EXOC6: variants seen among roughly 807,000 people sequenced by gnomAD.
EXOC6 encodes SEC15-like 1.
A neutral mutation model predicts 112.5 loss-of-function variants in EXOC6; 60 were observed. The ratio of observed to expected loss-of-function variants is 0.53; its 90% CI spans 0.43 to 0.66. EXOC6 has a LOEUF of 0.66. Among genes scored for constraint, EXOC6 ranks in the 30% least tolerant of loss-of-function variants. The probability of loss-of-function intolerance (pLI) is 0.00; values close to 1 mark genes in which losing one functional copy is unlikely to be tolerated. For synonymous variants in EXOC6, 295 were observed against 308.0 expected (o/e 0.96, Z 0.44); for missense variants, 855 against 957.1 (o/e 0.89, Z 1.41).
intron 6 of EXOC6, among the ~76,000 whole-genome samples, chr10:92,911,503 A>T (rs1309654210): frequency 6.6e-6 from 1 of 152,190 alleles, no homozygotes; most frequent in African/African-American, 2.4e-5. Context: ...GTCGATATTA[A>T]ACTTATCTTC....
At chr10:93,052,485 G>A (rs1037055040) in intron 20 of EXOC6, among the ~76,000 whole-genome samples, 10 of 152,168 alleles carry the variant, frequency 6.6e-5, no homozygotes, top group Non-Finnish European at 1.3e-4. Flanking sequence ...GAATGCTGAG[G>A]AAGTGAAATG....
intron 1 of EXOC6, among the ~76,000 whole-genome samples, chr10:92,838,139 T>C (rs1416067941): frequency 6.6e-6 from 1 of 152,212 alleles, no homozygotes; most frequent in Admixed American, 6.5e-5. Context: ...CAAGGGTAAC[T>C]GAACGGCACT....
chr10:92,868,838 A>C, intron 1 of EXOC6, among the ~76,000 whole-genome samples: 1 of 122,826 alleles, frequency 8.1e-6, no homozygotes. Flanking sequence ...TTTTTGAGAC[A>C]GGTTCTTGCT....
intron 18 of EXOC6, among the ~76,000 whole-genome samples, chr10:92,994,901 A>C (rs1008178330): frequency 2.6e-5 from 4 of 151,968 alleles, no homozygotes; most frequent in Non-Finnish European, 5.9e-5. Flanking sequence ...ATCTAAAAAT[A>C]TGTAGTACAT....
intron 1 of EXOC6, among the ~76,000 whole-genome samples, chr10:92,827,867 C>G (rs139900655): frequency 7.9e-5 from 12 of 152,296 alleles, no homozygotes; most frequent in Admixed American, 2.0e-4. Flanking sequence ...TTTGGGAACT[C>G]TCATTCTGCC....
intron 19 of EXOC6, among the ~76,000 whole-genome samples, chr10:93,004,414 G>C (rs1037278900): frequency 3.3e-5 from 5 of 152,138 alleles, no homozygotes; most frequent in African/African-American, 1.2e-4. Context: ...TTTGTTGTCA[G>C]AAAGTTAAGA....
chr10:92,897,531 A>G (rs1399719971), intron 4 of EXOC6, among the ~76,000 whole-genome samples: 11 of 152,144 alleles, frequency 7.2e-5, no homozygotes, highest in South Asian at 2.1e-4. Flanking sequence ...CCTGCCTCCT[A>G]TTTTCCTCCT....
At chr10:92,998,298 A>G (rs1843587410) in intron 19 of EXOC6, among the ~76,000 whole-genome samples, 2 of 152,200 alleles carry the variant, frequency 1.3e-5, no homozygotes, top group African/African-American at 4.8e-5. Context: ...AGTGCTTTCA[A>G]ATAAGTGGTA....
intron 7 of EXOC6, among the ~76,000 whole-genome samples, chr10:92,918,623 C>T (rs1390290162): frequency 3.3e-5 from 5 of 151,956 alleles, no homozygotes; most frequent in Non-Finnish European, 5.9e-5. Flanking sequence ...GGGGAACTGC[C>T]GTGTTGTCCA....
intron 15 of EXOC6, among the ~76,000 whole-genome samples, chr10:92,954,102 G>A (rs374344352): frequency 1.1e-3 from 164 of 152,122 alleles, no homozygotes; most frequent in Non-Finnish European, 1.9e-3. Context: ...GCAACATAGT[G>A]CAACCCTGTT....
At chr10:92,891,508 G>T (rs1849499209) in intron 1 of EXOC6, among the ~76,000 whole-genome samples, 1 of 152,140 alleles carries the variant, frequency 6.6e-6, no homozygotes, top group Non-Finnish European at 1.5e-5. Flanking sequence ...TTTAGACGGA[G>T]TTTCACTCTG....
At chr10:92,885,907 A>T (rs1849189879) in intron 1 of EXOC6, among the ~76,000 whole-genome samples, 1 of 151,792 alleles carries the variant, frequency 6.6e-6, no homozygotes. Context: ...ACTAAGGTAT[A>T]CTCTTATTGG....
At chr10:92,979,571 C>T (rs1564882962) in intron 18 of EXOC6, among the ~76,000 whole-genome samples, 1 of 152,166 alleles carries the variant, frequency 6.6e-6, no homozygotes, top group Non-Finnish European at 1.5e-5. Flanking sequence ...TGGAAAACCA[C>T]AATAACCCGA....
intron 1 of EXOC6, among the ~76,000 whole-genome samples, chr10:92,878,663 A>G (rs764483844): frequency 1.3e-5 from 2 of 152,154 alleles, no homozygotes; most frequent in Non-Finnish European, 2.9e-5. Flanking sequence ...TATCATTTTT[A>G]GAGAGATAAT....
intron 15 of EXOC6, 40 bp downstream of exon 15, chr10:92,952,422 T>C: frequency 8.5e-7 from 1 of 1,177,052 alleles, no homozygotes; most frequent in Non-Finnish European, 1.3e-6. Flanking sequence ...GTCATAACTT[T>C]TATGAAACAT....
intron 13 of EXOC6, among the ~76,000 whole-genome samples, chr10:92,944,921 C>T (rs549442870): frequency 1.3e-5 from 2 of 152,106 alleles, no homozygotes; most frequent in South Asian, 2.1e-4. Context: ...TACAGGCCTG[C>T]ACCACCACGT....
chr10:92,854,905 T>C (rs1241465946), intron 1 of EXOC6, among the ~76,000 whole-genome samples: 1 of 152,196 alleles, frequency 6.6e-6, no homozygotes, highest in African/African-American at 2.4e-5. Context: ...ATTTGGGTTT[T>C]TTCCCCCCTT....
At chr10:92,948,845 T>C (rs1250691178) in intron 14 of EXOC6, among the ~76,000 whole-genome samples, 1 of 152,228 alleles carries the variant, frequency 6.6e-6, no homozygotes, top group East Asian at 1.9e-4. Flanking sequence ...ACAAAAAGTT[T>C]ATATTGGTTA....
chr10:92,935,862 G>A lies in EXOC6; in HGVS notation c.1189G>A (p.Val397Ile). Residue 397 changes from valine to isoleucine, a missense_variant, in exon 12 of 22, where the codon GTA (valine) becomes ATA (isoleucine). Transcript: ENST00000260762. The stretch of plus-strand genomic sequence containing the variant: ...TGTTCTGGAGCTGAAGAATCTTACT[G>A]TAATATTTGCAGATACTTTACAGGT... ...DLVLELKNLT[V>I]IFADTLQGYG... is the part of the protein sequence containing the mutation. The A allele has an allele frequency of 6.2e-7, 1 of 1,605,778 alleles. No homozygotes were observed. The highest frequency in any genetic ancestry group is 1.7e-4 in the Middle Eastern group (1 of 6,040).
Sources: gnomAD v4.1 joint callset for allele counts (sites outside exome capture counted in the v4.1 genomes callset) on GRCh38, gnomAD v4.1.1 for gene constraint, MANE v1.5 for transcripts, NCBI Gene and HGNC (gene_info 2026-07-23, HGNC 2026-07-21) for gene names.